Variants in ASTN2 observed in about 807,000 individuals in gnomAD.
ASTN2 encodes the protein astrotactin-2.
ASTN2 carries 54 observed loss-of-function variants against 139.8 expected under a neutral mutation model. That is an observed-to-expected ratio of 0.39 (90% CI 0.31 to 0.48). ASTN2 has a LOEUF of 0.48. ASTN2 is among the 20% of genes least tolerant of loss of function. The pLI is 0.95. For synonymous variants in ASTN2, 756 were observed against 719.5 expected, an observed-to-expected ratio of 1.05 and a Z score of -0.81; for missense variants, 1,565 against 1,725.1, an observed-to-expected ratio of 0.91 and a Z score of 1.64.
intron 11 of ASTN2, among the ~76,000 whole-genome samples, chr9:116,863,153 CCTT>C (rs1267078049): frequency 1.1e-4 from 16 of 152,166 alleles, no homozygotes; most frequent in Non-Finnish European, 2.2e-4. Flanking sequence ...CCCAAGGAAG[CCTT>C]CTACGAAACT....
rs190251347 is a variant in ASTN2 at position 116,489,843 on chromosome 9, T to C, written c.3356-2343A>G. 8.5e-5 allele frequency among the ~76,000 whole-genome samples: 13 copies of C among 152,316 alleles called. No homozygotes were observed. In the East Asian group the frequency reaches 1.5e-3, roughly 18 times the overall value. Reference sequence around the variant, plus strand: ...TTTCACGAAGACAATACATGGTTCATAGACTTGACGCGTAGATGCTAGATT... The same window carrying C: ...TTTCACGAAGACAATACATGGTTCACAGACTTGACGCGTAGATGCTAGATT... On this transcript the variant is annotated intron_variant, in intron 19 of 22. Coordinates refer to ENST00000313400, the MANE Select transcript of ASTN2 (RefSeq NM_001365068.1).
At chr9:116,515,966 G>A (rs867650764) in intron 19 of ASTN2, among the ~76,000 whole-genome samples, 1 of 152,136 alleles carries the variant, frequency 6.6e-6, no homozygotes, top group South Asian at 2.1e-4. Flanking sequence ...TATGGTGGGG[G>A]TTAAGAATTT....
At position 117,287,434 on chromosome 9, in the gene ASTN2, G is replaced by A. The variant is rs543653144; in HGVS notation, c.630+3892C>T. ...CAACGGATGCATAGAGAAGGAAAAT[G>A]GTGGCCTGTTATATAGATTAAGGGC... On this transcript the variant is annotated intron_variant, in intron 2 of 22. Transcript: ENST00000313400. 2.0e-5 allele frequency among the ~76,000 whole-genome samples: 3 copies of A among 152,140 alleles called. No individual in the cohort carries two copies. In the South Asian group the frequency reaches 6.2e-4, roughly 32 times the overall value.
chr9:116,676,826 G>T (rs1302019602), intron 16 of ASTN2, among the ~76,000 whole-genome samples: 1 of 152,146 alleles, frequency 6.6e-6, no homozygotes, highest in East Asian at 1.9e-4. Flanking sequence ...GTGTAGCATT[G>T]CCATTTACTG....
At chr9:116,764,086 A>G (rs1330417931) in intron 13 of ASTN2, among the ~76,000 whole-genome samples, 3 of 152,198 alleles carry the variant, frequency 2.0e-5, no homozygotes, top group Admixed American at 6.5e-5. Context: ...CTCATGGATA[A>G]GAGAGCTGAC....
intron 2 of ASTN2, among the ~76,000 whole-genome samples, chr9:117,233,120 C>T (rs893487917): frequency 2.0e-5 from 3 of 152,120 alleles, no homozygotes; most frequent in Non-Finnish European, 4.4e-5. Context: ...TCCCTGCATC[C>T]AGGGCTCTGT....
Position 116,733,439 on chromosome 9 carries a change from C to T in ASTN2, c.2481G>A (p.Gly827=), listed in dbSNP as rs1263519897. The stretch of plus-strand genomic sequence containing the variant: ...GGTCTGGAAGGGGCTCGGAGAGGAC[C>T]CCCCGGCACTGCTCCTCCACCGGCA... The part of the protein sequence containing the change: ...IPLPVEEQCR[G]VLSEPLPDLQ... The change falls in exon 14 of 23, where the codon GGG becomes GGA. Residue 827 remains glycine, a synonymous_variant. Coordinates refer to ENST00000313400, the MANE Select transcript of ASTN2 (RefSeq NM_001365068.1). 1.9e-6 allele frequency: 3 copies of T among 1,614,038 alleles called. No individual in the cohort carries two copies. Among genetic ancestry groups the T allele is most frequent in the Non-Finnish European group, 2.5e-6 (3 of 1,179,996 alleles).
At chr9:116,920,120 G>C (rs1050531683) in intron 10 of ASTN2, among the ~76,000 whole-genome samples, 7 of 152,096 alleles carry the variant, frequency 4.6e-5, no homozygotes, top group Admixed American at 4.6e-4. Flanking sequence ...GGTTGGATTA[G>C]ATGCTCTCTA....
intron 2 of ASTN2, among the ~76,000 whole-genome samples, chr9:117,225,535 G>GTATATATATATATATATATATATATA (rs58184768): frequency 1.1e-4 from 7 of 63,958 alleles, no homozygotes; most frequent in African/African-American, 3.1e-4. Flanking sequence ...CAAGCTGTAT[G>GTATATATATATATATATATATATATA]TATATATATA....
intron 13 of ASTN2, among the ~76,000 whole-genome samples, chr9:116,733,822 AG>A (rs1828851263): frequency 6.6e-6 from 1 of 152,200 alleles, no homozygotes; most frequent in Non-Finnish European, 1.5e-5. Flanking sequence ...CTCAGATCTA[AG>A]GGCTGTTGTA....
At chr9:117,307,708 A>G (rs965138705) in intron 1 of ASTN2, among the ~76,000 whole-genome samples, 2 of 152,220 alleles carry the variant, frequency 1.3e-5, no homozygotes, top group East Asian at 1.9e-4. Context: ...AGGCATGCAC[A>G]TGCCTGCCAA....
chr9:116,440,930 C>A, intron 21 of ASTN2, 138 bp from the exon 22 acceptor site: 1 of 794,144 alleles, frequency 1.3e-6, no homozygotes, highest in Non-Finnish European at 2.0e-6. Context: ...ACCTTAATTT[C>A]ATCTTGAATA....
chr9:117,371,806 G>A (rs1465298491), intron 1 of ASTN2, among the ~76,000 whole-genome samples: 1 of 152,124 alleles, frequency 6.6e-6, no homozygotes, highest in East Asian at 1.9e-4. Context: ...CCTGTAGAGT[G>A]TAATTTTCTC....
At chr9:117,040,104 C>T (rs1316942289) in intron 5 of ASTN2, 139 bp from the exon 6 acceptor site, 4 of 1,030,132 alleles carry the variant, frequency 3.9e-6, no homozygotes, top group Non-Finnish European at 5.4e-6. Context: ...TGTTTTCTAA[C>T]CTTTGTGCCT....
chr9:117,176,827 G>A (rs1457548178), intron 3 of ASTN2, among the ~76,000 whole-genome samples: 1 of 152,182 alleles, frequency 6.6e-6, no homozygotes, highest in East Asian at 1.9e-4. Context: ...AGCTACTTGA[G>A]AGACTGAGGT....
chr9:116,841,126 G>A (rs553353628), intron 11 of ASTN2, among the ~76,000 whole-genome samples: 21 of 152,224 alleles, frequency 1.4e-4, no homozygotes, highest in African/African-American at 5.1e-4. Flanking sequence ...TGCAATCCCG[G>A]CACCTCGGGA....
At chr9:116,589,500 C>G (rs778422535) in intron 19 of ASTN2, among the ~76,000 whole-genome samples, 2 of 152,174 alleles carry the variant, frequency 1.3e-5, no homozygotes, top group Non-Finnish European at 2.9e-5. Flanking sequence ...GGGAGAAATG[C>G]AACAGGTCTT....
intron 3 of ASTN2, among the ~76,000 whole-genome samples, chr9:117,186,112 G>C (rs10983567): frequency 6.6e-6 from 1 of 152,010 alleles, no homozygotes; most frequent in Non-Finnish European, 1.5e-5. Context: ...CCTCTGCTTC[G>C]GTCTCCTCAT....
chr9:116,968,357 C>A (rs540406836), intron 10 of ASTN2, among the ~76,000 whole-genome samples: 1 of 152,210 alleles, frequency 6.6e-6, no homozygotes, highest in South Asian at 2.1e-4. Flanking sequence ...TGCCTAGTCC[C>A]AAGCCAGATT....
Sources: allele counts gnomAD v4.1 joint callset (sites outside exome capture counted in the v4.1 genomes callset), GRCh38; gene constraint gnomAD v4.1.1; transcripts MANE v1.5; gene names NCBI Gene and HGNC (gene_info 2026-07-23, HGNC 2026-07-21).